CTCF: variants seen among roughly 807,000 people sequenced by gnomAD.
The protein encoded by CTCF is transcriptional repressor CTCF.
Under a neutral mutation model 72.3 loss-of-function variants are expected in CTCF, and 7 were observed. That is an observed-to-expected ratio of 0.10 (90% CI 0.06 to 0.18). CTCF has a LOEUF of 0.18. Among genes scored for constraint, CTCF ranks in the 10% least tolerant of loss-of-function variants. CTCF has a pLI of 1.00. For synonymous variants in CTCF, 374 were observed against 315.8 expected (o/e 1.18, Z -1.95); for missense variants, 516 against 949.1 (o/e 0.54, Z 6.00).
At chr16:67,601,556 A>T (rs1369267004) in intron 2 of CTCF, among the ~76,000 whole-genome samples, 1 of 151,508 alleles carries the variant, frequency 6.6e-6, no homozygotes, top group Admixed American at 6.6e-5. Context: ...GTTAGCCAGG[A>T]TGGTCTCGAT....
chr16:67,574,058 A>G (rs1428498516), intron 2 of CTCF, among the ~76,000 whole-genome samples: 1 of 151,846 alleles, frequency 6.6e-6, no homozygotes, highest in East Asian at 1.9e-4. Context: ...GTGACCAAAG[A>G]TGGGGTGGAG....
chr16:67,578,584 C>T (rs954242712), intron 2 of CTCF, among the ~76,000 whole-genome samples: 4 of 151,504 alleles, frequency 2.6e-5, no homozygotes, highest in Admixed American at 6.6e-5. Context: ...CCACCCACCT[C>T]GGCCTCCCAA....
intron 10 of CTCF, among the ~76,000 whole-genome samples, chr16:67,634,269 G>C (rs1246211881): frequency 1.3e-5 from 2 of 151,998 alleles, no homozygotes; most frequent in Non-Finnish European, 2.9e-5. Flanking sequence ...GTGTAGTGGA[G>C]TGATCTCAGC....
At chr16:67,573,084 C>G (rs2142720182) in intron 2 of CTCF, among the ~76,000 whole-genome samples, 1 of 151,828 alleles carries the variant, frequency 6.6e-6, no homozygotes, top group African/African-American at 2.4e-5. Context: ...AACCCCGTCT[C>G]TACTAAAAAT....
At chr16:67,630,969 A>G (rs760556558) in intron 10 of CTCF, among the ~76,000 whole-genome samples, 5 of 152,134 alleles carry the variant, frequency 3.3e-5, no homozygotes, top group Non-Finnish European at 5.9e-5. Context: ...GTTTTAGGAA[A>G]TGGACTTCCC....
chr16:67,625,563 A>T (rs2052271946), intron 7 of CTCF, among the ~76,000 whole-genome samples: 1 of 152,092 alleles, frequency 6.6e-6, no homozygotes, highest in Non-Finnish European at 1.5e-5. Flanking sequence ...TGCCTTGGTG[A>T]TCTTATCAGC....
At chr16:67,589,065 G>T (rs1361262650) in intron 2 of CTCF, among the ~76,000 whole-genome samples, 1 of 152,092 alleles carries the variant, frequency 6.6e-6, no homozygotes, top group African/African-American at 2.4e-5. Flanking sequence ...GCTGAGGCAG[G>T]AAGATTGTTT....
intron 2 of CTCF, among the ~76,000 whole-genome samples, chr16:67,591,159 G>A (rs2051738482): frequency 6.6e-6 from 1 of 151,916 alleles, no homozygotes; most frequent in Non-Finnish European, 1.5e-5. Flanking sequence ...TAGTCGTGGT[G>A]ATGCGTGCCT....
At chr16:67,590,868 G>T (rs193051510) in intron 2 of CTCF, among the ~76,000 whole-genome samples, 2 of 151,602 alleles carry the variant, frequency 1.3e-5, no homozygotes, top group Non-Finnish European at 2.9e-5. Context: ...GGCTGAGGCG[G>T]GAGAATCGCT....
intron 2 of CTCF, among the ~76,000 whole-genome samples, chr16:67,599,376 CAGAACGAGAATCTGTCTCAA>C (rs543859443): frequency 2.6e-5 from 4 of 152,204 alleles, no homozygotes; most frequent in Non-Finnish European, 5.9e-5. Context: ...GCCTGGGCAA[CAGAACGAGAATCTGTCTCAA>C]AGAAAAATAA....
At chr16:67,584,643 T>C (rs562610019) in intron 2 of CTCF, among the ~76,000 whole-genome samples, 93 of 151,906 alleles carry the variant, frequency 6.1e-4, no homozygotes, top group African/African-American at 1.9e-3. Flanking sequence ...TTTTTTTTTT[T>C]AAACTGTAAA....
Position 67,637,707 on chromosome 16 carries a change from T to C in CTCF, c.2019T>C (p.Val673=). The C allele has an allele frequency of 6.2e-7, 1 of 1,613,180 alleles. No homozygotes were observed. The change falls in exon 12 of 12, where the codon GTT becomes GTC. Residue 673 remains valine, a synonymous_variant. Transcript: ENST00000264010. ...TGCCAGCAACAGCTATCATTCAGGT[T>C]GAAGACCAGAATACAGGTGCAATTG... The part of the protein sequence containing the change: ...KQNQPTAIIQ[V]EDQNTGAIEN...
intron 5 of CTCF, among the ~76,000 whole-genome samples, chr16:67,617,746 T>G (rs959019673): frequency 1.3e-5 from 2 of 152,172 alleles, no homozygotes; most frequent in African/African-American, 4.8e-5. Context: ...AAGAAAAAAC[T>G]GTACCCAGAG....
intron 1 of CTCF, among the ~76,000 whole-genome samples, chr16:67,568,824 G>A (rs889679846): frequency 6.6e-6 from 1 of 151,598 alleles, no homozygotes; most frequent in Non-Finnish European, 1.5e-5. Flanking sequence ...CATCACACCT[G>A]GCTATATTAT....
chr16:67,614,419 G>A (rs1389375067), intron 4 of CTCF: 2 of 152,162 alleles, frequency 1.3e-5, no homozygotes, highest in East Asian at 3.9e-4. Flanking sequence ...CTTGATGGCT[G>A]GGCATGGTGG....
rs568350725 is a variant in CTCF, at chr16:67,592,933, A to G, written c.-9-17891A>G. On this transcript the variant is annotated intron_variant, in intron 2 of 11. Transcript: ENST00000264010. ...TCCCAGCTACTTAGGAGGCTGAGGCAGGAGAATCGGTTGAACCTGGAGGCA... is the reference window on the plus strand; with the variant it reads ...TCCCAGCTACTTAGGAGGCTGAGGCGGGAGAATCGGTTGAACCTGGAGGCA... Among the ~76,000 whole-genome samples, 94 of 151,340 alleles carry G rather than the reference A, an allele frequency of 6.2e-4. 2 individuals are homozygous for G. The highest frequency in any genetic ancestry group is 2.2e-3 in the African/African-American group (91 of 41,242).
At chr16:67,619,124 G>GA (rs1303035795) in intron 5 of CTCF, among the ~76,000 whole-genome samples, 1 of 152,224 alleles carries the variant, frequency 6.6e-6, no homozygotes. Context: ...TTATGTGTGT[G>GA]AAAACTTGGT....
rs375387508 is a variant in CTCF at position 67,626,706 on chromosome 16, T to C, written c.1509T>C (p.Ala503=). The change falls in exon 8 of 12, where the codon GCT becomes GCC. Residue 503 remains alanine (A), a synonymous_variant. Transcript: ENST00000264010. ...TTAAGTGTGACCAGTGTGATTACGC[T>C]TGTAGACAGGTAGGAACCTTCATTG... ...KRFKCDQCDY[A]CRQERHMIMH... 98 of 1,461,346 alleles carry C rather than the reference T, an allele frequency of 6.7e-5. 1 individual carries two copies. The highest frequency in any genetic ancestry group is 5.7e-4 in the East Asian group (23 of 40,598). 90.5% of individuals were successfully genotyped at this position (1,461,346 alleles called of 1,614,324 possible).
In CTCF at chr16:67,581,024, G is replaced by A. The variant is rs563799876; in HGVS notation, c.-10+9760G>A. The stretch of plus-strand genomic sequence containing the variant: ...GCTCACTGCAAGCTCCACCTCCCGG[G>A]TTCACGCCATTCTCCTGCCTCAGCC... On this transcript the variant is annotated intron_variant, in intron 2 of 11. Coordinates refer to ENST00000264010, the MANE Select transcript of CTCF (RefSeq NM_006565.4). 4.5e-3 allele frequency among the ~76,000 whole-genome samples: 688 copies of A among 152,162 alleles called. 2 individuals carry two copies. The highest frequency in any genetic ancestry group is 9.9e-3 in the Admixed American group (151 of 15,268).
Sources: gnomAD v4.1 joint callset for allele counts (sites outside exome capture counted in the v4.1 genomes callset) on GRCh38, gnomAD v4.1.1 for gene constraint, MANE v1.5 for transcripts, NCBI Gene and HGNC (gene_info 2026-07-23, HGNC 2026-07-21) for gene names.